Variants in DENND4A observed in about 807,000 individuals in gnomAD.
DENND4A encodes the protein DENN domain containing 4A, also known as C-myc promoter-binding protein.
DENND4A carries 70 observed loss-of-function variants against 199.3 expected under a neutral mutation model. That is an observed-to-expected ratio of 0.35 (90% CI 0.29 to 0.43). The LOEUF (loss-of-function observed/expected upper bound fraction) is 0.43, where lower values mean the gene tolerates loss of function less well. Among genes scored for constraint, DENND4A ranks in the 20% least tolerant of loss-of-function variants. The pLI is 1.00. For missense variants in DENND4A, 1,723 were observed against 2,255.8 expected (o/e 0.76, Z 4.78); for synonymous variants, 686 against 766.9 (o/e 0.89, Z 1.74).
chr15:65,772,031 G>C (rs977600395), intron 1 of DENND4A: 1 of 1,370,242 alleles, frequency 7.3e-7, no homozygotes, highest in Non-Finnish European at 1.0e-6. Context: ...GCAGTGGGTA[G>C]AGCTTCTCGG....
chr15:65,756,426 C>T lies in DENND4A; in HGVS notation c.25G>A (p.Val9Ile). Residue 9 changes from valine (V) to isoleucine (I), a missense_variant, in exon 3 of 33, where the codon GTT (valine) becomes ATT (isoleucine). Val to Ile is a conservative substitution (Grantham distance 29, BLOSUM62 3). This residue lies in a region of DENND4A where 725 missense variants were observed against 952.9 expected (regional missense o/e 0.76). Coordinates refer to ENST00000443035, the MANE Select transcript of DENND4A (RefSeq NM_001320835.1). ...CCTGCTACAACAAAGTAGTCAGCAA[C>T]ACGAGGCCCCTTGTCTTCAATCATC... MIEDKGPRVADYFVVAGLT... is the reference protein window; with the variant it reads MIEDKGPRIADYFVVAGLT... 5 of 1,610,496 alleles carry T rather than the reference C, an allele frequency of 3.1e-6. No homozygotes were observed. Among genetic ancestry groups the T allele is most frequent in the Non-Finnish European group, 4.2e-6 (5 of 1,178,560 alleles).
In DENND4A at chr15:65,676,477, C is replaced by T. The variant is rs374881470; in HGVS notation, c.4337G>A (p.Arg1446Gln). 17 of 1,610,018 alleles carry T rather than the reference C, an allele frequency of 1.1e-5. No individual in the cohort carries two copies. Among genetic ancestry groups the T allele is most frequent in the South Asian group, 6.7e-5 (6 of 90,118 alleles). Reference protein sequence around the residue: ...TSGTKRIDLSRISLESSASLE... With the variant: ...TSGTKRIDLSQISLESSASLE... Reference sequence around the variant, plus strand: ...GGATGCAGAACTTTCCAGGCTTATTCGGCTGAGATCAATTCTCTTAGTCCC... The same window carrying T: ...GGATGCAGAACTTTCCAGGCTTATTTGGCTGAGATCAATTCTCTTAGTCCC... The change falls in exon 24 of 33, where the codon CGA becomes CAA. Residue 1446 changes from arginine to glutamine, a missense_variant. Around this residue, in one of 6 missense-constraint regions of DENND4A, gnomAD observed 650 missense variants for 738.1 expected, o/e 0.88. Transcript: ENST00000443035.
At chr15:65,781,874 T>C (rs1362575218) in intron 1 of DENND4A, among the ~76,000 whole-genome samples, 2 of 152,304 alleles carry the variant, frequency 1.3e-5, no homozygotes, top group East Asian at 3.9e-4. Context: ...CCACTGTTTA[T>C]GGGACAGGCA....
intron 9 of DENND4A, among the ~76,000 whole-genome samples, chr15:65,730,714 T>A (rs1170380578): frequency 6.6e-6 from 1 of 151,850 alleles, no homozygotes; most frequent in African/African-American, 2.4e-5. Flanking sequence ...TGCAGAGGGG[T>A]ATGAGTATGT....
rs531651884 is a variant in DENND4A at position 65,771,274 on chromosome 15, T to C, written c.-101-9836A>G. The C allele has an allele frequency of 7.0e-6, 11 of 1,582,594 alleles. No homozygotes were observed. The African/African-American group carries it at 1.1e-4, about 16-fold the overall frequency. On this transcript the variant is annotated intron_variant, in intron 1 of 32. Coordinates refer to ENST00000443035, the MANE Select transcript of DENND4A (RefSeq NM_001320835.1). ...GGAGTCGATCACCACGGTATACTTT[T>C]GCTGCATACTGCATATCTGTTTTTT...
At chr15:65,714,247 T>TA (rs1044075108) in intron 14 of DENND4A, among the ~76,000 whole-genome samples, 3 of 151,462 alleles carry the variant, frequency 2.0e-5, no homozygotes, top group African/African-American at 4.9e-5. Context: ...CCATCTCTAC[T>TA]AAAAAAATAC....
chr15:65,735,837 T>C (rs1156578086), intron 7 of DENND4A, among the ~76,000 whole-genome samples: 1 of 151,956 alleles, frequency 6.6e-6, no homozygotes, highest in African/African-American at 2.4e-5. Flanking sequence ...ACACCTGTAA[T>C]CCCCAGCACT....
rs2076004582 is a variant in DENND4A, at chr15:65,665,479, ACATT to A, written c.5242-21_5242-18del. 15 of 1,564,628 alleles carry A rather than the reference ACATT, an allele frequency of 9.6e-6. No individual in the cohort carries two copies. Among genetic ancestry groups the A allele is most frequent in the Non-Finnish European group, 1.3e-5 (15 of 1,141,626 alleles). ...GCGGGGAATCTGTGTTATACAATAA[ACATT>A]CATTAATGATCCTTACATGATAATT... On this transcript the variant is annotated intron_variant, in intron 29 of 32. Transcript: ENST00000443035.
intron 4 of DENND4A, among the ~76,000 whole-genome samples, chr15:65,749,489 G>C (rs973132451): frequency 6.6e-6 from 1 of 152,104 alleles, no homozygotes; most frequent in African/African-American, 2.4e-5. Flanking sequence ...AAGTATGTTC[G>C]TAACAGCTTG....
intron 23 of DENND4A, among the ~76,000 whole-genome samples, chr15:65,684,802 C>T (rs2076699702): frequency 6.7e-6 from 1 of 149,942 alleles, no homozygotes; most frequent in African/African-American, 2.4e-5. Flanking sequence ...AGATTTTCTT[C>T]CTATATTTTC....
At chr15:65,743,984 C>T (rs1412558797) in intron 4 of DENND4A, among the ~76,000 whole-genome samples, 1 of 152,046 alleles carries the variant, frequency 6.6e-6, no homozygotes, top group African/African-American at 2.4e-5. Context: ...ATCTGACATA[C>T]AGTTAAAAGG....
intron 7 of DENND4A, among the ~76,000 whole-genome samples, chr15:65,733,101 A>C (rs933625768): frequency 3.3e-5 from 5 of 152,240 alleles, no homozygotes; most frequent in Non-Finnish European, 5.9e-5. Context: ...AGTATGCAAT[A>C]TATCAGTGAT....
intron 9 of DENND4A, among the ~76,000 whole-genome samples, chr15:65,730,787 C>G (rs552918426): frequency 6.6e-6 from 1 of 151,728 alleles, no homozygotes; most frequent in East Asian, 1.9e-4. Flanking sequence ...TTTAGGGTGA[C>G]GAAAATGTTC....
In DENND4A at chr15:65,734,751, C is replaced by A. The variant is rs372224713; in HGVS notation, c.1041-1933G>T. On this transcript the variant is annotated intron_variant, in intron 7 of 32. Transcript: ENST00000443035. ...TGATCCAAAAACCCCTAAAGATATT[C>A]AAGATCCATTCAGGGAAGATCTGCA... 3.2e-3 allele frequency among the ~76,000 whole-genome samples: 492 copies of A among 152,294 alleles called. 2 individuals are homozygous for A. The highest frequency in any genetic ancestry group is 0.016 in the South Asian group (78 of 4,824).
intron 12 of DENND4A, among the ~76,000 whole-genome samples, chr15:65,718,805 A>G (rs1335905204): frequency 2.0e-5 from 2 of 101,710 alleles, no homozygotes; most frequent in Non-Finnish European, 3.6e-5. Context: ...TTTGAGACAG[A>G]GTCTTGGTCT....
intron 1 of DENND4A, among the ~76,000 whole-genome samples, chr15:65,779,356 T>C (rs2140951349): frequency 6.7e-6 from 1 of 148,792 alleles, no homozygotes; most frequent in East Asian, 2.0e-4. Context: ...CTCGGGAGGC[T>C]GAGGCAGGAG....
Position 65,659,932 on chromosome 15 carries a change from C to T in DENND4A, c.*1919G>A. On this transcript the variant is annotated 3_prime_UTR_variant, in exon 33 of 33. Coordinates refer to ENST00000443035, the MANE Select transcript of DENND4A (RefSeq NM_001320835.1). ...TGATTCCTACATTTTGTTTGTATTA[C>T]ACAAAAAGTAAACAACAATGAAAGC... is the stretch of plus-strand genomic sequence containing the variant. 1 of 180,850 alleles carries T rather than the reference C, an allele frequency of 5.5e-6. No individual in the cohort carries two copies. Among genetic ancestry groups the T allele is most frequent in the Non-Finnish European group, 1.2e-5 (1 of 86,414 alleles). The allele number at this position is 180,850 out of a possible 1,614,324, so 11.2% of individuals were successfully genotyped here.
intron 1 of DENND4A, chr15:65,771,191 C>A: frequency 6.2e-7 from 1 of 1,603,422 alleles, no homozygotes; most frequent in Non-Finnish European, 8.5e-7. Flanking sequence ...TTTATAAAGA[C>A]CGGTAAGCCG....
intron 4 of DENND4A, among the ~76,000 whole-genome samples, chr15:65,746,355 T>C (rs1297957374): frequency 6.9e-6 from 1 of 144,720 alleles, no homozygotes; most frequent in African/African-American, 2.6e-5. Context: ...TTGTTAACAA[T>C]TCTACTTTTT....
Sources: gnomAD v4.1 joint callset for allele counts (sites outside exome capture counted in the v4.1 genomes callset) on GRCh38, gnomAD v4.1.1 for gene constraint, gnomAD v4.1.1 regional missense constraint, MANE v1.5 for transcripts, NCBI Gene and HGNC (gene_info 2026-07-23, HGNC 2026-07-21) for gene names.